The following ZNF423 variants were observed in gnomAD, a reference collection of about 807,000 sequenced individuals.
ZNF423 encodes the protein Ebf-associated zinc finger protein.
ZNF423 carries 12 observed loss-of-function variants against 95.8 expected under a neutral mutation model. The ratio of observed to expected loss-of-function variants is 0.13; its 90% CI spans 0.08 to 0.20. The LOEUF (loss-of-function observed/expected upper bound fraction) is 0.20, where lower values mean the gene tolerates loss of function less well. Among genes scored for constraint, ZNF423 ranks in the 10% least tolerant of loss-of-function variants. ZNF423 has a pLI of 1.00. For missense variants in ZNF423, 1,316 were observed against 1,737.1 expected (o/e 0.76, Z 4.31); for synonymous variants, 749 against 711.9 (o/e 1.05, Z -0.83).
chr16:49,495,397 G>A (rs1027983512), intron 7 of ZNF423, among the ~76,000 whole-genome samples: 4 of 152,184 alleles, frequency 2.6e-5, no homozygotes, highest in African/African-American at 9.6e-5. Flanking sequence ...GCCTACCCTG[G>A]GTCCTGGTGA....
chr16:49,637,347 T>C lies in ZNF423; in HGVS notation c.1829A>G (p.Glu610Gly). The C allele has an allele frequency of 1.2e-6, 2 of 1,614,232 alleles. No individual in the cohort carries two copies. Among genetic ancestry groups the C allele is most frequent in the Non-Finnish European group, 1.7e-6 (2 of 1,180,044 alleles). ...PLAHSKKSKA[E>G]QSPVSSDVEV... is the part of the protein sequence containing the mutation. ...CACATCGGACGAGACTGGGCTCTGC[T>C]CGGCCTTGGACTTCTTGCTGTGGGC... is the stretch of plus-strand genomic sequence containing the variant. Residue 610 changes from glutamate (E) to glycine (G), a missense_variant, in exon 4 of 8, where the codon GAG (glutamate) becomes GGG (glycine). Around this residue, in one of 6 missense-constraint regions of ZNF423, gnomAD observed 620 missense variants for 775.6 expected, o/e 0.80. Coordinates refer to ENST00000563137, the MANE Select transcript of ZNF423 (RefSeq NM_001379286.1). The surrounding 1 kb of genome is among the most constrained non-coding windows in gnomAD (Gnocchi z 5.6).
intron 1 of ZNF423, among the ~76,000 whole-genome samples, chr16:49,807,556 C>T (rs956113999): frequency 4.6e-5 from 7 of 152,176 alleles, no homozygotes; most frequent in South Asian, 4.1e-4. Context: ...CAATACTTCA[C>T]GGCTTAAGGA....
intron 3 of ZNF423, among the ~76,000 whole-genome samples, chr16:49,707,384 C>T (rs113147689): frequency 0.014 from 2,063 of 152,208 alleles, 23 homozygotes; most frequent in Middle Eastern, 0.034. Flanking sequence ...GAGGCCAAGG[C>T]GGGTGGATCA....
At chr16:49,682,340 A>G (rs574106051) in intron 3 of ZNF423, among the ~76,000 whole-genome samples, 2 of 152,324 alleles carry the variant, frequency 1.3e-5, no homozygotes, top group Admixed American at 6.5e-5. Context: ...GCTTGCTGTG[A>G]GTGCCAGGGC....
intron 7 of ZNF423, among the ~76,000 whole-genome samples, chr16:49,514,806 A>G (rs1968066776): frequency 6.6e-6 from 1 of 152,172 alleles, no homozygotes; most frequent in Non-Finnish European, 1.5e-5. Flanking sequence ...TGGCTTTGTC[A>G]ATGAGGGAGT....
At position 49,739,673 on chromosome 16, in the gene ZNF423, G is replaced by A. The variant is rs147912125; in HGVS notation, c.101-8702C>T. Reference sequence around the variant, plus strand: ...CAAAGTCTTTACCCTGGAGCAACACGTTTGTTTTTTTGTTTTTGTTTGGTT... The same window carrying A: ...CAAAGTCTTTACCCTGGAGCAACACATTTGTTTTTTTGTTTTTGTTTGGTT... On this transcript the variant is annotated intron_variant, in intron 2 of 7. Transcript: ENST00000563137. 7.0e-4 allele frequency among the ~76,000 whole-genome samples: 103 copies of A among 147,424 alleles called. 2 individuals carry two copies. The East Asian group carries it at 0.019, about 27-fold the overall frequency.
At chr16:49,677,297 A>AAGGGAAGGGAAGGGAAGGGAAGG (rs1567284051) in intron 3 of ZNF423, among the ~76,000 whole-genome samples, 6 of 78,270 alleles carry the variant, frequency 7.7e-5, no homozygotes, top group Non-Finnish European at 1.0e-4. Context: ...AGAAGAGAAG[A>AAGGGAAGGGAAGGGAAGGGAAGG]GAAGAGAAGA....
At chr16:49,598,425 C>A (rs778792147) in intron 5 of ZNF423, among the ~76,000 whole-genome samples, 9 of 152,240 alleles carry the variant, frequency 5.9e-5, no homozygotes, top group African/African-American at 2.2e-4. Context: ...TCATTTTTGT[C>A]ATTCCAGAGC....
chr16:49,655,328 G>A (rs4785329), intron 3 of ZNF423, among the ~76,000 whole-genome samples: 58,854 of 151,768 alleles, frequency 0.39, 11,643 homozygotes, highest in East Asian at 0.54. Context: ...AGTGGGATCT[G>A]GACTCCCCAG....
chr16:49,498,807 T>C (rs1025639730), intron 7 of ZNF423, among the ~76,000 whole-genome samples: 1 of 152,114 alleles, frequency 6.6e-6, no homozygotes, highest in Non-Finnish European at 1.5e-5. Flanking sequence ...TTTAGAAGAA[T>C]TTGACAATCG....
chr16:49,570,416 A>G (rs1391333393), intron 5 of ZNF423, among the ~76,000 whole-genome samples: 20 of 152,204 alleles, frequency 1.3e-4, no homozygotes. Context: ...GCTAAAAATT[A>G]AAGCCCATAA....
chr16:49,854,510 C>T, intron 1 of ZNF423: 1 of 985,468 alleles, frequency 1.0e-6, no homozygotes, highest in East Asian at 1.1e-4. Flanking sequence ...TGGGCTCAGG[C>T]CAGAGGTCAT....
chr16:49,750,043 G>T (rs149687897), intron 2 of ZNF423, among the ~76,000 whole-genome samples: 1 of 152,190 alleles, frequency 6.6e-6, no homozygotes, highest in Non-Finnish European at 1.5e-5. Context: ...GAAGGCTGCC[G>T]TCAGCCCATA....
intron 5 of ZNF423, among the ~76,000 whole-genome samples, chr16:49,615,939 G>A (rs1027768538): frequency 8.5e-5 from 13 of 152,268 alleles, no homozygotes; most frequent in Admixed American, 5.9e-4. Context: ...CAGGGAGGCC[G>A]CTGCATACGT....
intron 1 of ZNF423, among the ~76,000 whole-genome samples, chr16:49,809,185 G>A (rs537748798): frequency 6.6e-6 from 1 of 152,252 alleles, no homozygotes; most frequent in Non-Finnish European, 1.5e-5. Context: ...AGATGGGCCA[G>A]GAAAATCAGT....
At position 49,738,397 on chromosome 16, in the gene ZNF423, C is replaced by T. The variant is rs1248010337; in HGVS notation, c.101-7426G>A. ...GGTCTTAGCTCCAGTACACCTCAGCCCCCAACCATGAGTGACCTTGACCAA... is the reference window on the plus strand; with the variant it reads ...GGTCTTAGCTCCAGTACACCTCAGCTCCCAACCATGAGTGACCTTGACCAA... On this transcript the variant is annotated intron_variant, in intron 2 of 7. Transcript: ENST00000563137. 2.0e-5 allele frequency among the ~76,000 whole-genome samples: 3 copies of T among 152,258 alleles called. No individual in the cohort carries two copies. In the East Asian group the frequency reaches 5.8e-4, roughly 29 times the overall value.
In ZNF423 at chr16:49,658,479, C is replaced by T. The variant is rs539456415; in HGVS notation, c.302-19605G>A. 7.9e-5 allele frequency among the ~76,000 whole-genome samples: 12 copies of T among 152,350 alleles called. No individual in the cohort carries two copies. In the East Asian group the frequency reaches 1.7e-3, roughly 22 times the overall value. On this transcript the variant is annotated intron_variant, in intron 3 of 7. Coordinates refer to ENST00000563137, the MANE Select transcript of ZNF423 (RefSeq NM_001379286.1). ...ACGACAGAGGAAATTCCAATTTTCC[C>T]GATTTTCATGTTTCCACCCCTAGAG...
chr16:49,706,253 A>G (rs1254717797), intron 3 of ZNF423, among the ~76,000 whole-genome samples: 2 of 152,248 alleles, frequency 1.3e-5, no homozygotes, highest in Non-Finnish European at 2.9e-5. Context: ...AGGTGAAGCC[A>G]GTTTGCCTTG....
intron 5 of ZNF423, among the ~76,000 whole-genome samples, chr16:49,592,320 T>G (rs768096413): frequency 1.3e-5 from 2 of 152,198 alleles, no homozygotes; most frequent in Non-Finnish European, 2.9e-5. Context: ...GGAAAGTGTA[T>G]TATTTGAGTT....
Sources: gnomAD v4.1 joint callset for allele counts (sites outside exome capture counted in the v4.1 genomes callset) on GRCh38, gnomAD v4.1.1 for gene constraint, gnomAD v4.1.1 regional missense constraint, Gnocchi (gnomAD v3.1) non-coding constraint, MANE v1.5 for transcripts, NCBI Gene and HGNC (gene_info 2026-07-23, HGNC 2026-07-21) for gene names.